The following NKAIN3 variants were observed in gnomAD, a reference collection of about 807,000 sequenced individuals.
NKAIN3 encodes sodium/potassium-transporting ATPase subunit beta-1-interacting protein 3.
Under a neutral mutation model 30.2 loss-of-function variants are expected in NKAIN3, and 25 were observed. That is an observed-to-expected ratio of 0.83 (90% CI 0.60 to 1.16). The LOEUF is 1.16. Ranked by LOEUF, NKAIN3 falls within the 50% of genes most tolerant of loss-of-function variation. The pLI is 0.00. For missense variants in NKAIN3, 225 were observed against 254.1 expected, an observed-to-expected ratio of 0.89 and a Z score of 0.78; for synonymous variants, 91 against 89.6, an observed-to-expected ratio of 1.02 and a Z score of -0.09.
At chr8:62,310,931 A>G (rs560074280) in intron 1 of NKAIN3, among the ~76,000 whole-genome samples, 2 of 150,476 alleles carry the variant, frequency 1.3e-5, no homozygotes, top group African/African-American at 2.5e-5. Context: ...TCAGGTTTCA[A>G]TCCAGGATTA....
chr8:62,314,933 G>C (rs1278522549), intron 1 of NKAIN3, among the ~76,000 whole-genome samples: 1 of 152,138 alleles, frequency 6.6e-6, no homozygotes, highest in East Asian at 1.9e-4. Flanking sequence ...TGAGAGCTCT[G>C]ATTGTGGAAG....
chr8:62,612,286 G>A (rs1168996846), intron 3 of NKAIN3, among the ~76,000 whole-genome samples: 1 of 151,756 alleles, frequency 6.6e-6, no homozygotes, highest in African/African-American at 2.4e-5. Flanking sequence ...TTCTATATCT[G>A]GGTGCTCTCA....
At chr8:62,766,507 T>C (rs1243118033) in intron 4 of NKAIN3, among the ~76,000 whole-genome samples, 1 of 152,176 alleles carries the variant, frequency 6.6e-6, no homozygotes, top group Non-Finnish European at 1.5e-5. Context: ...CAATTTTCTT[T>C]GAAATTTATG....
intron 1 of NKAIN3, among the ~76,000 whole-genome samples, chr8:62,336,350 G>T (rs1221407448): frequency 3.9e-5 from 6 of 151,992 alleles, no homozygotes; most frequent in Non-Finnish European, 8.8e-5. Flanking sequence ...TTTTGTGGAT[G>T]TCCATTAAGT....
intron 1 of NKAIN3, among the ~76,000 whole-genome samples, chr8:62,337,113 C>T (rs911949093): frequency 4.6e-5 from 7 of 152,028 alleles, no homozygotes; most frequent in Non-Finnish European, 4.4e-5. Context: ...CTCACATGGA[C>T]GCTTAGGCCC....
chr8:62,539,898 G>A (rs1387583489), intron 1 of NKAIN3, among the ~76,000 whole-genome samples: 1 of 152,098 alleles, frequency 6.6e-6, no homozygotes, highest in African/African-American at 2.4e-5. Flanking sequence ...TTTTAAGTAA[G>A]CATTCTAAAG....
intron 4 of NKAIN3, among the ~76,000 whole-genome samples, chr8:62,821,563 C>G (rs1342432685): frequency 6.6e-6 from 1 of 152,088 alleles, no homozygotes; most frequent in African/African-American, 2.4e-5. Context: ...GAAGACAATT[C>G]TGCTTCCCTT....
At position 62,547,626 on chromosome 8, in the gene NKAIN3, C is replaced by T. The variant is rs549526997; in HGVS notation, c.55-31913C>T. Among the ~76,000 whole-genome samples the T allele has an allele frequency of 2.6e-4, 40 of 152,282 alleles. 1 individual carries two copies. The South Asian group carries it at 8.3e-3, about 32-fold the overall frequency. On this transcript the variant is annotated intron_variant, in intron 1 of 6. Coordinates refer to ENST00000623646, the MANE Select transcript of NKAIN3 (RefSeq NM_001304533.3). ...AAATACTTGTAGAATTTCAAGGCCA[C>T]TATTTAAAATGGCTTCTGCCCACCA...
intron 4 of NKAIN3, among the ~76,000 whole-genome samples, chr8:62,903,002 A>C (rs553629352): frequency 6.6e-6 from 1 of 152,284 alleles, no homozygotes; most frequent in South Asian, 2.1e-4. Flanking sequence ...TGTCTGCATC[A>C]CAGAAGTATG....
Position 62,826,777 on chromosome 8 carries a change from C to T in NKAIN3, c.471+79648C>T, listed in dbSNP as rs1206502419. Among the ~76,000 whole-genome samples the T allele has an allele frequency of 3.3e-5, 5 of 152,268 alleles. No homozygotes were observed. In the East Asian group the frequency reaches 9.6e-4, roughly 29 times the overall value. On this transcript the variant is annotated intron_variant, in intron 4 of 6. Transcript: ENST00000623646. The stretch of plus-strand genomic sequence containing the variant: ...TACATTATTTATTGGAAATACAATG[C>T]TCTCCTTGTACTGTAGCTAGGAAAA...
intron 4 of NKAIN3, among the ~76,000 whole-genome samples, chr8:62,836,106 T>C (rs937536493): frequency 6.6e-6 from 1 of 152,078 alleles, no homozygotes; most frequent in Non-Finnish European, 1.5e-5. Flanking sequence ...AAATATTGCA[T>C]GTTCTCACAA....
At chr8:62,613,216 G>T (rs1291208064) in intron 3 of NKAIN3, among the ~76,000 whole-genome samples, 1 of 152,070 alleles carries the variant, frequency 6.6e-6, no homozygotes, top group Admixed American at 6.6e-5. Context: ...TGGTATTTAT[G>T]AAATCACTCA....
intron 4 of NKAIN3, among the ~76,000 whole-genome samples, chr8:62,890,280 T>C (rs752987943): frequency 6.6e-5 from 10 of 152,208 alleles, no homozygotes; most frequent in Non-Finnish European, 1.3e-4. Context: ...ATAAGTATAC[T>C]CAATACCAAA....
At chr8:62,373,626 T>G (rs1207567161) in intron 1 of NKAIN3, among the ~76,000 whole-genome samples, 2 of 152,220 alleles carry the variant, frequency 1.3e-5, no homozygotes. Flanking sequence ...GATCATTTGA[T>G]GTAAGGTTGC....
chr8:62,457,008 A>G (rs1251867278), intron 1 of NKAIN3, among the ~76,000 whole-genome samples: 1 of 152,246 alleles, frequency 6.6e-6, no homozygotes, highest in East Asian at 1.9e-4. Flanking sequence ...TTTAATCTCC[A>G]TGAATGAAAG....
rs1232234039 is a variant in NKAIN3, at chr8:62,970,410, G to A, written c.*5003G>A. The stretch of plus-strand genomic sequence containing the variant: ...ATGCCACTTCTTGAAGGTGGATACA[G>A]CTTCTTAAATATTGGTATTTGTAGA... On this transcript the variant is annotated 3_prime_UTR_variant, in exon 7 of 7. Transcript: ENST00000623646. Among the ~76,000 whole-genome samples the A allele has an allele frequency of 6.6e-6, 1 of 152,138 alleles. No individual in the cohort carries two copies. Among genetic ancestry groups the A allele is most frequent in the African/African-American group, 2.4e-5 (1 of 41,426 alleles).
chr8:62,383,103 G>A (rs1300643720), intron 1 of NKAIN3, among the ~76,000 whole-genome samples: 4 of 152,052 alleles, frequency 2.6e-5, no homozygotes, highest in East Asian at 1.9e-4. Context: ...AGACCACTTC[G>A]ATGACTTTGA....
chr8:62,286,907 T>C (rs948504408), intron 1 of NKAIN3, among the ~76,000 whole-genome samples: 4 of 151,924 alleles, frequency 2.6e-5, no homozygotes, highest in African/African-American at 7.2e-5. Context: ...TCCTTCATTT[T>C]AGAAAATTTA....
intron 1 of NKAIN3, among the ~76,000 whole-genome samples, chr8:62,391,742 T>G (rs1490287332): frequency 1.3e-5 from 2 of 152,166 alleles, no homozygotes; most frequent in Non-Finnish European, 2.9e-5. Context: ...ATAAGAAACG[T>G]TATCTAAGTT....
Sources: gnomAD v4.1 joint callset for allele counts (sites outside exome capture counted in the v4.1 genomes callset) on GRCh38, gnomAD v4.1.1 for gene constraint, MANE v1.5 for transcripts, NCBI Gene and HGNC (gene_info 2026-07-23, HGNC 2026-07-21) for gene names.